The following GABRB3 variants were observed in gnomAD, a reference collection of about 807,000 sequenced individuals.
GABRB3 encodes gamma-aminobutyric acid type A receptor subunit beta3.
GABRB3 carries 14 observed loss-of-function variants against 52.1 expected under a neutral mutation model. The ratio of observed to expected loss-of-function variants is 0.27; its 90% CI spans 0.18 to 0.42. GABRB3 has a LOEUF of 0.42. Among genes scored for constraint, GABRB3 ranks in the 10% least tolerant of loss-of-function variants. The pLI, the probability that GABRB3 is intolerant of heterozygous loss-of-function variation, is 1.00. For synonymous variants in GABRB3, 260 were observed against 232.3 expected (o/e 1.12, Z -1.08); for missense variants, 307 against 609.1 (o/e 0.50, Z 5.22).
At chr15:26,738,955 G>A (rs1595560244) in intron 3 of GABRB3, among the ~76,000 whole-genome samples, 1 of 152,312 alleles carries the variant, frequency 6.6e-6, no homozygotes, top group South Asian at 2.1e-4. Flanking sequence ...GAAAGACCTA[G>A]GATGTATTCA....
At chr15:26,707,045 C>T (rs1271434062) in intron 3 of GABRB3, among the ~76,000 whole-genome samples, 1 of 152,170 alleles carries the variant, frequency 6.6e-6, no homozygotes, top group Non-Finnish European at 1.5e-5. Flanking sequence ...GAGGCACTCA[C>T]ACAATCAACG....
At chr15:26,753,512 G>A (rs536486092) in intron 3 of GABRB3, among the ~76,000 whole-genome samples, 2 of 152,364 alleles carry the variant, frequency 1.3e-5, no homozygotes, top group Middle Eastern at 3.4e-3. Flanking sequence ...GGGACTGAGT[G>A]ACAAGTGAAG....
intron 3 of GABRB3, among the ~76,000 whole-genome samples, chr15:26,742,043 C>A (rs976567431): frequency 1.3e-5 from 2 of 152,054 alleles, no homozygotes; most frequent in African/African-American, 4.8e-5. Flanking sequence ...TAAAAGTACG[C>A]GGTTTTTTTT....
intron 4 of GABRB3, among the ~76,000 whole-genome samples, chr15:26,600,917 C>T (rs1891560760): frequency 6.6e-6 from 1 of 152,126 alleles, no homozygotes; most frequent in Admixed American, 6.5e-5. Flanking sequence ...ACTATAGCTA[C>T]CATAAATTGT....
intron 3 of GABRB3, among the ~76,000 whole-genome samples, chr15:26,642,124 C>T (rs996643592): frequency 4.6e-5 from 7 of 152,116 alleles, no homozygotes; most frequent in Non-Finnish European, 8.8e-5. Context: ...AACTCCCAGC[C>T]GCAAGCAATC....
intron 3 of GABRB3, among the ~76,000 whole-genome samples, chr15:26,652,010 T>C (rs569484801): frequency 2.0e-5 from 3 of 152,210 alleles, no homozygotes; most frequent in African/African-American, 7.2e-5. Context: ...GCCTGACACC[T>C]TTAAGGTCTG....
intron 3 of GABRB3, among the ~76,000 whole-genome samples, chr15:26,713,856 G>A (rs1001037068): frequency 6.6e-6 from 1 of 152,180 alleles, no homozygotes; most frequent in Non-Finnish European, 1.5e-5. Context: ...ACCCTCAGGG[G>A]AAGAGACCCA....
intron 3 of GABRB3, among the ~76,000 whole-genome samples, chr15:26,671,193 C>CT (rs1455674495): frequency 6.6e-6 from 1 of 152,152 alleles, no homozygotes; most frequent in African/African-American, 2.4e-5. Flanking sequence ...AGAACAGAAG[C>CT]TGAATAACTG....
chr15:26,573,705 G>T (rs1270398973), intron 6 of GABRB3, among the ~76,000 whole-genome samples: 1 of 152,100 alleles, frequency 6.6e-6, no homozygotes, highest in Non-Finnish European at 1.5e-5. Context: ...CTACAGAATG[G>T]GAGAAAATAT....
chr15:26,582,518 G>C (rs1009088108), intron 5 of GABRB3, among the ~76,000 whole-genome samples: 1 of 152,120 alleles, frequency 6.6e-6, no homozygotes, highest in Non-Finnish European at 1.5e-5. Context: ...ACAGCTCTCA[G>C]AAAACACGAC....
intron 3 of GABRB3, among the ~76,000 whole-genome samples, chr15:26,651,313 A>T (rs1887190582): frequency 6.6e-6 from 1 of 152,232 alleles, no homozygotes; most frequent in African/African-American, 2.4e-5. Flanking sequence ...GAGCACATGG[A>T]CTGAATAAAC....
At chr15:26,562,942 C>A (rs532275989) in intron 7 of GABRB3, among the ~76,000 whole-genome samples, 1 of 152,324 alleles carries the variant, frequency 6.6e-6, no homozygotes, top group African/African-American at 2.4e-5. Flanking sequence ...CATTCATGTG[C>A]ACCTGGGGAC....
intron 5 of GABRB3, 103 bp downstream of exon 5, chr15:26,583,229 A>G (rs1890852493): frequency 1.1e-6 from 1 of 884,894 alleles, no homozygotes; most frequent in Non-Finnish European, 1.9e-6. Context: ...CCCTCTTTCT[A>G]TGTCAAAAAA....
chr15:26,575,437 C>G (rs1227116953), intron 6 of GABRB3, among the ~76,000 whole-genome samples: 3 of 152,152 alleles, frequency 2.0e-5, no homozygotes, highest in Non-Finnish European at 4.4e-5. Context: ...AAATTTTTCT[C>G]TGGAATTTAA....
Position 26,547,359 on chromosome 15 carries a change from A to G in GABRB3, c.*434T>C. 5 of 410,466 alleles carry G rather than the reference A, an allele frequency of 1.2e-5. No homozygotes were observed. Among genetic ancestry groups the G allele is most frequent in the Non-Finnish European group, 2.1e-5 (5 of 232,844 alleles). 25.4% of individuals were successfully genotyped at this position (410,466 alleles called of 1,614,324 possible). ...AACTAAGAATGTCTTTCTGATTTTT[A>G]AACTAAAACATCTAACTTATGATAA... On this transcript the variant is annotated 3_prime_UTR_variant, in exon 9 of 9. Transcript: ENST00000311550.
chr15:26,581,857 T>C (rs1210400690), intron 5 of GABRB3, among the ~76,000 whole-genome samples: 1 of 152,254 alleles, frequency 6.6e-6, no homozygotes, highest in Admixed American at 6.5e-5. Context: ...TTTGGTCTAA[T>C]GGCTTCCTGT....
chr15:26,632,747 G>A (rs189174573), intron 3 of GABRB3, among the ~76,000 whole-genome samples: 1 of 152,254 alleles, frequency 6.6e-6, no homozygotes, highest in East Asian at 1.9e-4. Context: ...CCTTACTTGG[G>A]AAAGTTATCT....
At chr15:26,627,441 G>A (rs957152193) in intron 3 of GABRB3, among the ~76,000 whole-genome samples, 5 of 148,858 alleles carry the variant, frequency 3.4e-5, no homozygotes, top group Non-Finnish European at 7.4e-5. Flanking sequence ...ACGGATCTGG[G>A]CAAAGTAAAC....
chr15:26,698,721 C>T (rs898791838), intron 3 of GABRB3, among the ~76,000 whole-genome samples: 1 of 152,104 alleles, frequency 6.6e-6, no homozygotes, highest in Non-Finnish European at 1.5e-5. Context: ...CTCATTATTG[C>T]CTTTCCCCTG....
Sources: allele counts gnomAD v4.1 joint callset (sites outside exome capture counted in the v4.1 genomes callset), GRCh38; gene constraint gnomAD v4.1.1; transcripts MANE v1.5; gene names NCBI Gene and HGNC (gene_info 2026-07-23, HGNC 2026-07-21).